The following FAM168A variants were observed in gnomAD, a reference collection of about 807,000 sequenced individuals.
FAM168A encodes family with sequence similarity 168 member A, also known as protein FAM168A.
FAM168A carries 3 observed loss-of-function variants against 28.5 expected under a neutral mutation model. The observed-to-expected ratio is 0.11, with a 90% CI of 0.05 to 0.27. FAM168A has a LOEUF of 0.27. FAM168A is among the 10% of genes least tolerant of loss of function. The pLI is 1.00. For synonymous variants in FAM168A, 122 were observed against 124.2 expected (o/e 0.98, Z 0.12); for missense variants, 222 against 311.5 (o/e 0.71, Z 2.16).
At chr11:73,589,413 T>C (rs749051415) in intron 1 of FAM168A, among the ~76,000 whole-genome samples, 14 of 151,784 alleles carry the variant, frequency 9.2e-5, no homozygotes, top group Non-Finnish European at 1.8e-4. Flanking sequence ...TCCAACCTTT[T>C]GGTTTCCCTG....
chr11:73,419,881 C>T lies in FAM168A; in HGVS notation c.270G>A (p.Ala90=), dbSNP rs756403446. ...TENRTYQASS[A]AFRYTAGTPY... is the part of the protein sequence containing the mutation. ...GAGACAGGCTGTATTTACTGAAAGC[C>T]GCAGAGGATGCTTGGTAAGTTCGGT... The change falls in exon 4 of 8, where the codon GCG becomes GCA. Residue 90 remains alanine, a synonymous_variant. Transcript: ENST00000356467. 6 of 1,613,930 alleles carry T rather than the reference C, an allele frequency of 3.7e-6. No individual in the cohort carries two copies. Among genetic ancestry groups the T allele is most frequent in the African/African-American group, 2.7e-5 (2 of 75,002 alleles).
chr11:73,453,814 T>C (rs1867476729), intron 2 of FAM168A, among the ~76,000 whole-genome samples: 1 of 152,212 alleles, frequency 6.6e-6, no homozygotes, highest in Non-Finnish European at 1.5e-5. Context: ...CCAAAAGCTC[T>C]TCCAGTCCTG....
At chr11:73,586,437 C>T (rs1944314695) in intron 1 of FAM168A, among the ~76,000 whole-genome samples, 2 of 152,066 alleles carry the variant, frequency 1.3e-5, no homozygotes, top group Admixed American at 1.3e-4. Flanking sequence ...AAATCATCAT[C>T]ATCATCTTTT....
chr11:73,488,297 A>C (rs1735839742), intron 1 of FAM168A, among the ~76,000 whole-genome samples: 2 of 151,782 alleles, frequency 1.3e-5, no homozygotes, highest in Admixed American at 1.3e-4. Context: ...TACTTGGCTA[A>C]TGTTTGTATT....
chr11:73,496,520 A>G (rs1854879078), intron 1 of FAM168A, among the ~76,000 whole-genome samples: 1 of 152,172 alleles, frequency 6.6e-6, no homozygotes, highest in South Asian at 2.1e-4. Context: ...AAAAATAGTT[A>G]AGATGGTAAA....
At chr11:73,578,397 T>G (rs947665324) in intron 1 of FAM168A, among the ~76,000 whole-genome samples, 2 of 152,222 alleles carry the variant, frequency 1.3e-5, no homozygotes, top group Non-Finnish European at 2.9e-5. Flanking sequence ...TGTATATGTA[T>G]GTCAAAACTT....
intron 1 of FAM168A, among the ~76,000 whole-genome samples, chr11:73,573,033 G>T (rs986376104): frequency 1.2e-4 from 18 of 152,040 alleles, no homozygotes; most frequent in Admixed American, 7.9e-4. Flanking sequence ...AAGCATTCTA[G>T]CCGGTGGAAG....
At chr11:73,468,356 A>G in intron 2 of FAM168A, 49 bp downstream of exon 2, 7 of 1,563,850 alleles carry the variant, frequency 4.5e-6, no homozygotes, top group Non-Finnish European at 6.2e-6. Context: ...ATTTGGTAAT[A>G]TCCTTAACCA....
At chr11:73,445,033 G>A (rs915513712) in intron 2 of FAM168A, among the ~76,000 whole-genome samples, 3 of 152,204 alleles carry the variant, frequency 2.0e-5, no homozygotes, top group African/African-American at 7.2e-5. Flanking sequence ...GCCGAGGTGG[G>A]TGGATCACCT....
intron 1 of FAM168A, among the ~76,000 whole-genome samples, chr11:73,572,238 C>T (rs552296124): frequency 6.6e-6 from 1 of 151,682 alleles, no homozygotes; most frequent in East Asian, 2.0e-4. Flanking sequence ...CCAGCCGCCC[C>T]GTCCGGGAGG....
intron 2 of FAM168A, among the ~76,000 whole-genome samples, chr11:73,433,367 C>T (rs1397308952): frequency 7.0e-6 from 1 of 143,428 alleles, no homozygotes; most frequent in Admixed American, 6.9e-5. Context: ...GCCTTTGATG[C>T]AAAAAAAAAA....
intron 2 of FAM168A, among the ~76,000 whole-genome samples, chr11:73,461,181 A>C (rs996776162): frequency 6.6e-6 from 1 of 152,148 alleles, no homozygotes; most frequent in Non-Finnish European, 1.5e-5. Flanking sequence ...CAATGGTACA[A>C]GCATGGCTCA....
intron 2 of FAM168A, among the ~76,000 whole-genome samples, chr11:73,455,001 G>A (rs1867502881): frequency 1.3e-5 from 2 of 152,172 alleles, no homozygotes; most frequent in Admixed American, 6.5e-5. Context: ...CTTTGCACTC[G>A]CTGGTGGAAG....
chr11:73,448,816 T>G (rs1867371413), intron 2 of FAM168A, among the ~76,000 whole-genome samples: 1 of 152,228 alleles, frequency 6.6e-6, no homozygotes, highest in Non-Finnish European at 1.5e-5. Context: ...ATCATAGAGA[T>G]ATTGGTCTTG....
At chr11:73,579,588 C>A (rs896006791) in intron 1 of FAM168A, among the ~76,000 whole-genome samples, 7 of 152,144 alleles carry the variant, frequency 4.6e-5, no homozygotes, top group Admixed American at 1.3e-4. Context: ...CCCCCACCCA[C>A]CATTTAGAGC....
intron 2 of FAM168A, among the ~76,000 whole-genome samples, chr11:73,432,960 G>A (rs1300973458): frequency 6.6e-6 from 1 of 151,954 alleles, no homozygotes; most frequent in Non-Finnish European, 1.5e-5. Context: ...TACCCAGGAT[G>A]GAGTATAATG....
chr11:73,589,229 C>G (rs756066120), intron 1 of FAM168A, among the ~76,000 whole-genome samples: 1 of 152,048 alleles, frequency 6.6e-6, no homozygotes, highest in African/African-American at 2.4e-5. Flanking sequence ...AAAGTACGAA[C>G]AGACCAATGG....
chr11:73,518,104 A>T (rs1178801820), intron 1 of FAM168A, among the ~76,000 whole-genome samples: 3 of 152,246 alleles, frequency 2.0e-5, no homozygotes, highest in Non-Finnish European at 4.4e-5. Context: ...TATCACTAGT[A>T]AGTGACAGAA....
intron 2 of FAM168A, among the ~76,000 whole-genome samples, chr11:73,433,013 G>A (rs1197072918): frequency 2.0e-5 from 3 of 149,302 alleles, no homozygotes; most frequent in East Asian, 2.0e-4. Flanking sequence ...ATGGGCTCAA[G>A]CAATCCTCCT....
Sources: allele counts gnomAD v4.1 joint callset (sites outside exome capture counted in the v4.1 genomes callset), GRCh38; gene constraint gnomAD v4.1.1; transcripts MANE v1.5; gene names NCBI Gene and HGNC (gene_info 2026-07-23, HGNC 2026-07-21).